KHDRBS2: variants seen among roughly 807,000 people sequenced by gnomAD.
KHDRBS2 encodes KH RNA binding domain containing, signal transduction associated 2, also known as KH domain-containing, RNA-binding, signal transduction-associated protein 2.
Under a neutral mutation model 44.3 loss-of-function variants are expected in KHDRBS2, and 26 were observed. The ratio of observed to expected loss-of-function variants is 0.59; its 90% CI spans 0.43 to 0.81. The LOEUF (loss-of-function observed/expected upper bound fraction) is 0.81. KHDRBS2 is among the 40% of genes least tolerant of loss of function. KHDRBS2 has a pLI of 0.00. For synonymous variants in KHDRBS2, 194 were observed against 151.1 expected (o/e 1.28, Z -2.08); for missense variants, 476 against 433.1 (o/e 1.10, Z -0.88).
intron 4 of KHDRBS2, among the ~76,000 whole-genome samples, chr6:61,956,914 T>TCATCATCAC (rs980180354): frequency 4.0e-5 from 6 of 150,512 alleles, no homozygotes; most frequent in African/African-American, 1.2e-4. Context: ...TTCATCATCA[T>TCATCATCAC]CATCATCATC....
At chr6:61,702,929 A>G (rs1296279259) in intron 7 of KHDRBS2, among the ~76,000 whole-genome samples, 1 of 151,852 alleles carries the variant, frequency 6.6e-6, no homozygotes, top group Non-Finnish European at 1.5e-5. Flanking sequence ...CTAACATTAT[A>G]TATCTTGATT....
intron 3 of KHDRBS2, among the ~76,000 whole-genome samples, chr6:62,027,909 TG>T (rs781103824): frequency 6.6e-6 from 1 of 152,084 alleles, no homozygotes; most frequent in African/African-American, 2.4e-5. Flanking sequence ...ATTGTTTTCC[TG>T]AGTTCTGTGA....
intron 7 of KHDRBS2, among the ~76,000 whole-genome samples, chr6:61,710,891 T>C (rs1770400631): frequency 2.1e-5 from 3 of 143,326 alleles, no homozygotes; most frequent in Non-Finnish European, 3.0e-5. Flanking sequence ...GTGCGAAAAA[T>C]GCAGGCCTCT....
chr6:61,966,147 A>C (rs1471968881), intron 4 of KHDRBS2, among the ~76,000 whole-genome samples: 1 of 152,040 alleles, frequency 6.6e-6, no homozygotes. Context: ...GCTTAAAATG[A>C]AATCTGAAAA....
intron 2 of KHDRBS2, among the ~76,000 whole-genome samples, chr6:62,169,910 C>G (rs947088039): frequency 3.3e-5 from 5 of 151,862 alleles, no homozygotes; most frequent in African/African-American, 1.2e-4. Context: ...CCTCACCAGA[C>G]AAAGCTTGAG....
chr6:61,682,863 G>A (rs936286619), intron 8 of KHDRBS2, among the ~76,000 whole-genome samples: 1 of 151,798 alleles, frequency 6.6e-6, no homozygotes, highest in Non-Finnish European at 1.5e-5. Flanking sequence ...GTACTCAAAG[G>A]GAAAACACAT....
intron 6 of KHDRBS2, among the ~76,000 whole-genome samples, chr6:61,737,717 C>T (rs1775588201): frequency 6.6e-6 from 1 of 151,972 alleles, no homozygotes; most frequent in Non-Finnish European, 1.5e-5. Flanking sequence ...AAGGCATGGA[C>T]TCCGGCTTTA....
At chr6:62,086,187 T>G (rs1798346400) in intron 2 of KHDRBS2, among the ~76,000 whole-genome samples, 2 of 152,120 alleles carry the variant, frequency 1.3e-5, no homozygotes. Context: ...AGCATGAAAT[T>G]TAGCTTAAAA....
chr6:61,637,919 A>G, the KHDRBS2 span, among the ~76,000 whole-genome samples: 1 of 151,990 alleles, frequency 6.6e-6, no homozygotes, highest in Non-Finnish European at 1.5e-5. Context: ...AGTTCATTGT[A>G]GATTCTGGAT....
At chr6:61,995,297 T>C (rs947179556) in intron 3 of KHDRBS2, among the ~76,000 whole-genome samples, 5 of 152,206 alleles carry the variant, frequency 3.3e-5, no homozygotes, top group African/African-American at 1.2e-4. Flanking sequence ...ATTGCTAATA[T>C]ATCAAAATAT....
chr6:62,092,868 C>T (rs1410415445), intron 2 of KHDRBS2, among the ~76,000 whole-genome samples: 1 of 151,918 alleles, frequency 6.6e-6, no homozygotes, highest in Admixed American at 6.6e-5. Flanking sequence ...GAACATCCAC[C>T]CATTAGCCCC....
chr6:61,877,264 G>GA (rs1799555783), intron 6 of KHDRBS2, among the ~76,000 whole-genome samples: 1 of 151,784 alleles, frequency 6.6e-6, no homozygotes, highest in Non-Finnish European at 1.5e-5. Context: ...GGAACAGAAA[G>GA]AAAATTAGGA....
chr6:61,826,857 T>C (rs1021163514), intron 6 of KHDRBS2, among the ~76,000 whole-genome samples: 3 of 152,130 alleles, frequency 2.0e-5, no homozygotes, highest in African/African-American at 7.2e-5. Context: ...ATTTTTTTAG[T>C]GTGAGTTACA....
the KHDRBS2 span, among the ~76,000 whole-genome samples, chr6:61,596,708 G>A: frequency 3.3e-5 from 5 of 152,030 alleles, no homozygotes; most frequent in Non-Finnish European, 7.4e-5. Context: ...CTGGAGTACA[G>A]TGGTGCAATT....
chr6:61,869,978 T>TGTTTG (rs879812791), intron 6 of KHDRBS2, among the ~76,000 whole-genome samples: 2 of 148,692 alleles, frequency 1.3e-5, no homozygotes, highest in Non-Finnish European at 3.0e-5. Context: ...TTTTTTTTTT[T>TGTTTG]TTTTTTTTTC....
At chr6:62,201,942 T>G (rs539826466) in intron 1 of KHDRBS2, among the ~76,000 whole-genome samples, 1 of 152,052 alleles carries the variant, frequency 6.6e-6, no homozygotes, top group Non-Finnish European at 1.5e-5. Flanking sequence ...AAATATTTAT[T>G]CTTATGGATA....
chr6:61,811,568 A>G (rs1394166796), intron 6 of KHDRBS2, among the ~76,000 whole-genome samples: 1 of 152,154 alleles, frequency 6.6e-6, no homozygotes, highest in Non-Finnish European at 1.5e-5. Flanking sequence ...ATTCTTACCA[A>G]CAGTATATAA....
chr6:61,893,432 A>C (rs1802355174), intron 6 of KHDRBS2, among the ~76,000 whole-genome samples: 1 of 152,234 alleles, frequency 6.6e-6, no homozygotes, highest in African/African-American at 2.4e-5. Context: ...GTATGCTGCT[A>C]TAAAGACACA....
At chr6:61,670,745 C>T in the KHDRBS2 span, among the ~76,000 whole-genome samples, 4 of 151,468 alleles carry the variant, frequency 2.6e-5, no homozygotes, top group East Asian at 7.8e-4. Flanking sequence ...TCCTCTTATA[C>T]TTTATAGATA....
Sources: allele counts gnomAD v4.1 joint callset (sites outside exome capture counted in the v4.1 genomes callset), GRCh38; gene constraint gnomAD v4.1.1; transcripts MANE v1.5; gene names NCBI Gene and HGNC (gene_info 2026-07-23, HGNC 2026-07-21).